GOLGA1: variants seen among roughly 807,000 people sequenced by gnomAD.
GOLGA1 encodes the protein golgin subfamily A member 1.
A neutral mutation model predicts 119.7 loss-of-function variants in GOLGA1; 63 were observed. The observed-to-expected ratio is 0.53, with a 90% CI of 0.43 to 0.65. GOLGA1 has a LOEUF of 0.65. Ranked by LOEUF, GOLGA1 falls within the 30% of genes least tolerant of loss-of-function variation. GOLGA1 has a pLI of 0.00. For synonymous variants in GOLGA1, 318 were observed against 333.4 expected, an observed-to-expected ratio of 0.95 and a Z score of 0.50; for missense variants, 798 against 912.8, an observed-to-expected ratio of 0.87 and a Z score of 1.62.
At chr9:124,923,296 T>G in intron 7 of GOLGA1, 73 bp from the exon 8 acceptor site, 1 of 1,329,860 alleles carries the variant, frequency 7.5e-7, no homozygotes, top group South Asian at 1.3e-5. Context: ...GTGAAAATCT[T>G]TTCTTTTTTA....
intron 3 of GOLGA1, among the ~76,000 whole-genome samples, chr9:124,932,366 G>A (rs1386440571): frequency 6.6e-6 from 1 of 152,164 alleles, no homozygotes; most frequent in Non-Finnish European, 1.5e-5. Flanking sequence ...TACATGTCCA[G>A]CCACTTGCCC....
At chr9:124,895,595 C>CCCTCCACGACAGAGAG (rs1829960903) in intron 15 of GOLGA1, among the ~76,000 whole-genome samples, 2 of 147,830 alleles carry the variant, frequency 1.4e-5, no homozygotes, top group Admixed American at 6.8e-5. Flanking sequence ...ACGACAGAGA[C>CCCTCCACGACAGAGAG]CCTCCACGAC....
chr9:124,898,203 A>G (rs1830019605), intron 15 of GOLGA1, among the ~76,000 whole-genome samples: 1 of 152,236 alleles, frequency 6.6e-6, no homozygotes, highest in Non-Finnish European at 1.5e-5. Flanking sequence ...GTGTTTTGAC[A>G]GCATGACTTT....
At chr9:124,914,866 A>G (rs962803954) in intron 10 of GOLGA1, among the ~76,000 whole-genome samples, 3 of 152,238 alleles carry the variant, frequency 2.0e-5, no homozygotes, top group African/African-American at 7.2e-5. Context: ...AAAACAACAC[A>G]TCTTACACAG....
chr9:124,904,741 A>G (rs1393393749), intron 12 of GOLGA1, among the ~76,000 whole-genome samples: 4 of 152,138 alleles, frequency 2.6e-5, no homozygotes, highest in African/African-American at 9.7e-5. Context: ...GGAGTTCAAG[A>G]CCAGCCTGGC....
At chr9:124,884,309 G>A (rs1426371617) in intron 19 of GOLGA1, among the ~76,000 whole-genome samples, 3 of 152,178 alleles carry the variant, frequency 2.0e-5, no homozygotes. Flanking sequence ...ACCACGCCCG[G>A]TTTTAAATAA....
intron 19 of GOLGA1, among the ~76,000 whole-genome samples, chr9:124,885,742 A>C (rs1339125847): frequency 6.6e-6 from 1 of 151,956 alleles, no homozygotes; most frequent in African/African-American, 2.4e-5. Flanking sequence ...CGAGGACAGG[A>C]GGGGCTCAGC....
chr9:124,888,435 T>A lies in GOLGA1; in HGVS notation c.1762-39A>T. Reference sequence around the variant, plus strand: ...GCAGCAAATTGAGAGCCAGGACAGGTCAGGTGAAGCTGAGCCACAGGTACA... The same window carrying A: ...GCAGCAAATTGAGAGCCAGGACAGGACAGGTGAAGCTGAGCCACAGGTACA... On this transcript the variant is annotated intron_variant, in intron 18 of 22. Coordinates refer to ENST00000373555, the MANE Select transcript of GOLGA1 (RefSeq NM_002077.4). The surrounding 1 kb of genome is among the most constrained non-coding windows in gnomAD (Gnocchi z 4.4). 6.2e-7 allele frequency: 1 copy of A among 1,606,180 alleles called. No homozygotes were observed.
Position 124,881,280 on chromosome 9 carries a change from GC to G in GOLGA1, c.2137-24del. 1 of 1,424,870 alleles carries G rather than the reference GC, an allele frequency of 7.0e-7. No individual in the cohort carries two copies. The highest frequency in any genetic ancestry group is 9.9e-7 in the Non-Finnish European group (1 of 1,006,848). 88.3% of individuals were successfully genotyped at this position (1,424,870 alleles called of 1,614,324 possible). ...AGCCTGAAACACAGTAAGTTTTGCT[GC>G]CATAGGCCTTGGTGAAGGTGAGGCG... On this transcript the variant is annotated intron_variant, in intron 21 of 22. Transcript: ENST00000373555. The surrounding 1 kb of genome is among the most constrained non-coding windows in gnomAD (Gnocchi z 4.9).
chr9:124,920,192 C>T (rs1299287226), intron 10 of GOLGA1, among the ~76,000 whole-genome samples: 1 of 151,990 alleles, frequency 6.6e-6, no homozygotes, highest in Non-Finnish European at 1.5e-5. Flanking sequence ...TGGTCATGGC[C>T]CACTGCAGCC....
At chr9:124,925,705 C>G (rs1799410757) in intron 7 of GOLGA1, among the ~76,000 whole-genome samples, 1 of 151,976 alleles carries the variant, frequency 6.6e-6, no homozygotes, top group South Asian at 2.1e-4. Context: ...ACAGAACAAC[C>G]CCTTGTCTCA....
intron 3 of GOLGA1, among the ~76,000 whole-genome samples, chr9:124,932,352 C>T (rs76370234): frequency 0.032 from 4,838 of 152,252 alleles, 231 homozygotes; most frequent in East Asian, 0.23. Flanking sequence ...CTCAAATATT[C>T]ATCTACATGT....
rs1223650017 is a variant in GOLGA1 at position 124,886,781 on chromosome 9, G to A, written c.1905+1472C>T. Among the ~76,000 whole-genome samples, 4 of 152,118 alleles carry A rather than the reference G, an allele frequency of 2.6e-5. No individual in the cohort carries two copies. The East Asian group carries it at 5.8e-4, about 22-fold the overall frequency. Reference sequence around the variant, plus strand: ...AGAGGCTGTGGCACGTCCCTTCTCAGAGAAGCAGGAGGTGGGAGCACCAGG... The same window carrying A: ...AGAGGCTGTGGCACGTCCCTTCTCAAAGAAGCAGGAGGTGGGAGCACCAGG... On this transcript the variant is annotated intron_variant, in intron 19 of 22. Coordinates refer to ENST00000373555, the MANE Select transcript of GOLGA1 (RefSeq NM_002077.4).
chr9:124,906,301 C>T (rs909600504), intron 12 of GOLGA1, among the ~76,000 whole-genome samples: 6 of 150,264 alleles, frequency 4.0e-5, no homozygotes, highest in Non-Finnish European at 5.9e-5. Flanking sequence ...CGTGGTGGCA[C>T]GTGCCTGTAA....
intron 5 of GOLGA1, 128 bp from the exon 6 acceptor site, chr9:124,928,413 G>T: frequency 2.0e-6 from 1 of 507,692 alleles, no homozygotes; most frequent in South Asian, 3.0e-5. Flanking sequence ...GTGATACTAG[G>T]AAAAGCTGGA....
intron 4 of GOLGA1, among the ~76,000 whole-genome samples, chr9:124,929,639 C>T (rs566397398): frequency 2.0e-5 from 3 of 152,198 alleles, no homozygotes; most frequent in South Asian, 2.1e-4. Flanking sequence ...CTTCCTTTTC[C>T]GGTCTTAGCA....
rs1238886177 is a variant in GOLGA1 at position 124,928,245 on chromosome 9, T to C, written c.342A>G (p.Gln114=). 6 of 1,608,160 alleles carry C rather than the reference T, an allele frequency of 3.7e-6. No homozygotes were observed. Among genetic ancestry groups the C allele is most frequent in the Non-Finnish European group, 5.1e-6 (6 of 1,175,302 alleles). ...RKFQEQNETF[Q]ANRAKMAEGL... ...CTTCTGCCATTTTGGCTCTGTTGGC[T>C]TGGAATGTCTCATTCTGCTCTTGAA... The change falls in exon 6 of 23, where the codon CAA becomes CAG. Residue 114 remains glutamine (Q), a synonymous_variant. Coordinates refer to ENST00000373555, the MANE Select transcript of GOLGA1 (RefSeq NM_002077.4).
At chr9:124,886,794 T>C (rs1264213779) in intron 19 of GOLGA1, among the ~76,000 whole-genome samples, 3 of 148,384 alleles carry the variant, frequency 2.0e-5, no homozygotes, top group African/African-American at 7.5e-5. Flanking sequence ...AAGCAGGAGG[T>C]GGGAGCACCA....
chr9:124,881,502 G>A lies in GOLGA1; in HGVS notation c.2137-245C>T, dbSNP rs908524683. Among the ~76,000 whole-genome samples the A allele has an allele frequency of 3.9e-5, 6 of 152,202 alleles. No homozygotes were observed. Among genetic ancestry groups the A allele is most frequent in the Admixed American group, 6.5e-5 (1 of 15,284 alleles). Reference sequence around the variant, plus strand: ...CCCTTTGGCAGGACCCAGGAGCGATGGGTGGATTCCGTTCCCGGCTTCCGG... The same window carrying A: ...CCCTTTGGCAGGACCCAGGAGCGATAGGTGGATTCCGTTCCCGGCTTCCGG... On this transcript the variant is annotated intron_variant, in intron 21 of 22. Coordinates refer to ENST00000373555, the MANE Select transcript of GOLGA1 (RefSeq NM_002077.4). This position sits in a 1 kb window ranked among gnomAD's most constrained non-coding sequence, Gnocchi z 4.9.
Sources: gnomAD v4.1 joint callset for allele counts (sites outside exome capture counted in the v4.1 genomes callset) on GRCh38, gnomAD v4.1.1 for gene constraint, Gnocchi (gnomAD v3.1) non-coding constraint, MANE v1.5 for transcripts, NCBI Gene and HGNC (gene_info 2026-07-23, HGNC 2026-07-21) for gene names.